Variants in PLCB4 observed in about 807,000 individuals in gnomAD.
PLCB4 encodes the protein 1-phosphatidylinositol 4,5-bisphosphate phosphodiesterase beta-4.
A neutral mutation model predicts 178.8 loss-of-function variants in PLCB4; 77 were observed. That is an observed-to-expected ratio of 0.43 (90% CI 0.36 to 0.52). PLCB4 has a LOEUF of 0.52. PLCB4 is among the 20% of genes least tolerant of loss of function. PLCB4 has a pLI of 0.00. For missense variants in PLCB4, 1,024 were observed against 1,453.4 expected (o/e 0.70, Z 4.80); for synonymous variants, 496 against 490.8 (o/e 1.01, Z -0.14).
chr20:9,139,224 T>G (rs1482742706), intron 2 of PLCB4, among the ~76,000 whole-genome samples: 1 of 152,134 alleles, frequency 6.6e-6, no homozygotes, highest in African/African-American at 2.4e-5. Flanking sequence ...ATCTCTTGCT[T>G]TTTAACAAAC....
At chr20:9,437,934 G>T (rs1242222798) in intron 30 of PLCB4, among the ~76,000 whole-genome samples, 1 of 152,326 alleles carries the variant, frequency 6.6e-6, no homozygotes, top group Middle Eastern at 3.4e-3. Flanking sequence ...CTCATCATCA[G>T]TGTGTCCCTG....
chr20:9,438,359 A>G (rs1030880756), intron 30 of PLCB4, among the ~76,000 whole-genome samples: 4 of 145,866 alleles, frequency 2.7e-5, no homozygotes, highest in African/African-American at 1.0e-4. Flanking sequence ...GAGGGAGACT[A>G]TATCTTAAAA....
chr20:9,165,384 G>T (rs1299065655), intron 2 of PLCB4, among the ~76,000 whole-genome samples: 1 of 152,136 alleles, frequency 6.6e-6, no homozygotes, highest in Non-Finnish European at 1.5e-5. Flanking sequence ...GACAGATGGG[G>T]AGCCTAATAA....
In PLCB4 at chr20:9,362,962, T is replaced by C; in HGVS notation, c.436T>C (p.Cys146Arg). Residue 146 changes from cysteine to arginine, a missense_variant, in exon 8 of 40, where the codon TGC (cysteine) becomes CGC (arginine). Physicochemically the swap from Cys to Arg is radical, Grantham distance 180. This residue lies in a region of PLCB4 where 225 missense variants were observed against 291.0 expected (regional missense o/e 0.77). Transcript: ENST00000378473. ...GGCCAACAACGTCAGTCCAATGACATGCCTCAAGAAACAGTGAGTGTTGTT... is the reference window on the plus strand; with the variant it reads ...GGCCAACAACGTCAGTCCAATGACACGCCTCAAGAAACAGTGAGTGTTGTT... ...FRANNVSPMT[C>R]LKKHWMKLAF... The C allele has an allele frequency of 6.2e-7, 1 of 1,609,654 alleles. No homozygotes were observed.
At chr20:9,256,105 T>G (rs1050425341) in intron 3 of PLCB4, among the ~76,000 whole-genome samples, 7 of 152,144 alleles carry the variant, frequency 4.6e-5, no homozygotes, top group African/African-American at 1.7e-4. Flanking sequence ...TACATATGTC[T>G]GGAGGGGCAA....
Position 9,409,334 on chromosome 20 carries a change from A to C in PLCB4, c.1999+153A>C, listed in dbSNP as rs112519707. Among the ~76,000 whole-genome samples, 5,892 of 111,234 alleles carry C rather than the reference A, an allele frequency of 0.053. 381 individuals are homozygous for C. Among genetic ancestry groups the C allele is most frequent in the African/African-American group, 0.27 (5,559 of 20,832 alleles). The allele number at this position is 111,234 out of a possible 152,430, so 73.0% of individuals were successfully genotyped here. ...TTGGATTTATATAATGGTGAGAAATAAAAAAAAAAAAACCAAAATAGAGCA... is the reference window on the plus strand; with the variant it reads ...TTGGATTTATATAATGGTGAGAAATCAAAAAAAAAAAACCAAAATAGAGCA... On this transcript the variant is annotated intron_variant, in intron 24 of 39. Transcript: ENST00000378473.
intron 2 of PLCB4, among the ~76,000 whole-genome samples, chr20:9,182,612 C>T (rs190516880): frequency 1.3e-5 from 2 of 152,292 alleles, no homozygotes; most frequent in East Asian, 3.9e-4. Context: ...GAGCTTCTGG[C>T]AGAGGTAGAG....
chr20:9,098,281 G>A (rs1349951917), intron 2 of PLCB4, among the ~76,000 whole-genome samples: 2 of 152,052 alleles, frequency 1.3e-5, no homozygotes, highest in Admixed American at 1.3e-4. Flanking sequence ...ACACTTTTAG[G>A]AAATCCAAAT....
intron 2 of PLCB4, among the ~76,000 whole-genome samples, chr20:9,183,719 A>G (rs1474404980): frequency 6.6e-6 from 1 of 152,166 alleles, no homozygotes; most frequent in African/African-American, 2.4e-5. Context: ...GGAAAATGGA[A>G]TCTCACTTTC....
chr20:9,468,453 C>A (rs2043954928), intron 35 of PLCB4, 118 bp from the exon 36 acceptor site: 3 of 686,386 alleles, frequency 4.4e-6, no homozygotes, highest in African/African-American at 3.5e-5. Flanking sequence ...TTGTTGTGTA[C>A]CCGTCACTGC....
chr20:9,159,624 T>C (rs1174847225), intron 2 of PLCB4, among the ~76,000 whole-genome samples: 20 of 152,204 alleles, frequency 1.3e-4, no homozygotes, highest in Non-Finnish European at 1.3e-4. Flanking sequence ...ATTCTGATTA[T>C]GTTTTTCTGA....
intron 30 of PLCB4, among the ~76,000 whole-genome samples, chr20:9,437,759 A>C (rs576370458): frequency 6.6e-6 from 1 of 152,338 alleles, no homozygotes; most frequent in Non-Finnish European, 1.5e-5. Flanking sequence ...TCAAAGGAGT[A>C]TTTGAAGAAA....
chr20:9,260,886 A>C (rs1189418743), intron 3 of PLCB4, among the ~76,000 whole-genome samples: 1 of 152,162 alleles, frequency 6.6e-6, no homozygotes, highest in African/African-American at 2.4e-5. Flanking sequence ...AGAACAGAAC[A>C]CATTGCCTTA....
chr20:9,382,073 C>T (rs949411054), intron 13 of PLCB4, among the ~76,000 whole-genome samples: 1 of 152,142 alleles, frequency 6.6e-6, no homozygotes, highest in African/African-American at 2.4e-5. Context: ...TATTTCGATC[C>T]TTCCTACCCC....
At chr20:9,410,486 G>T (rs183383525) in intron 24 of PLCB4, among the ~76,000 whole-genome samples, 2 of 152,072 alleles carry the variant, frequency 1.3e-5, no homozygotes, top group African/African-American at 4.8e-5. Context: ...TTTCTTTTGC[G>T]GATGGGAAGA....
chr20:9,095,822 G>A (rs1052353601), intron 1 of PLCB4, among the ~76,000 whole-genome samples: 1 of 152,098 alleles, frequency 6.6e-6, no homozygotes, highest in African/African-American at 2.4e-5. Context: ...AGAGGTAGCA[G>A]CTCATAGTTC....
At chr20:9,433,129 G>A (rs1296424235) in intron 28 of PLCB4, among the ~76,000 whole-genome samples, 1 of 152,214 alleles carries the variant, frequency 6.6e-6, no homozygotes, top group Non-Finnish European at 1.5e-5. Context: ...AGAGATAGCA[G>A]CAGTATGAAT....
At chr20:9,471,393 C>T (rs1294838963) in intron 36 of PLCB4, among the ~76,000 whole-genome samples, 2 of 151,754 alleles carry the variant, frequency 1.3e-5, no homozygotes, top group East Asian at 3.9e-4. Context: ...TTAACTTTCA[C>T]CAAGACTAAA....
intron 4 of PLCB4, among the ~76,000 whole-genome samples, chr20:9,326,837 C>A (rs761539941): frequency 2.0e-5 from 3 of 152,074 alleles, no homozygotes; most frequent in Admixed American, 1.3e-4. Flanking sequence ...CCCAGAGTTA[C>A]GAACTCTGGG....
Sources: gnomAD v4.1 joint callset for allele counts (sites outside exome capture counted in the v4.1 genomes callset) on GRCh38, gnomAD v4.1.1 for gene constraint, gnomAD v4.1.1 regional missense constraint, MANE v1.5 for transcripts, NCBI Gene and HGNC (gene_info 2026-07-23, HGNC 2026-07-21) for gene names.